The following SLC6A9 variants were observed in gnomAD, a reference collection of about 807,000 sequenced individuals.
SLC6A9 encodes sodium- and chloride-dependent glycine transporter 1.
In SLC6A9, 31 loss-of-function variants were observed where a neutral mutation model predicts 70.9. The observed-to-expected ratio is 0.44, with a 90% confidence interval of 0.33 to 0.59. The LOEUF (loss-of-function observed/expected upper bound fraction) is 0.59, where lower values mean the gene tolerates loss of function less well. Ranked by LOEUF, SLC6A9 falls within the 20% of genes least tolerant of loss-of-function variation. The pLI is 0.04. For synonymous variants in SLC6A9, 310 were observed against 341.3 expected (o/e 0.91, Z 1.01); for missense variants, 631 against 845.2 (o/e 0.75, Z 3.14).
At chr1:44,004,146 C>T (rs1181859242) in intron 5 of SLC6A9, among the ~76,000 whole-genome samples, 2 of 151,856 alleles carry the variant, frequency 1.3e-5, no homozygotes, top group Non-Finnish European at 2.9e-5. Context: ...AGGTATGCAC[C>T]AATACGCTGG....
chr1:44,010,349 G>C, intron 3 of SLC6A9: 1 of 495,198 alleles, frequency 2.0e-6, no homozygotes, highest in Non-Finnish European at 3.7e-6. Flanking sequence ...GGATTTGATG[G>C]TTTAAACAAG....
intron 2 of SLC6A9, among the ~76,000 whole-genome samples, chr1:44,021,754 G>A (rs2086888462): frequency 6.6e-6 from 1 of 152,258 alleles, no homozygotes. Flanking sequence ...GCCATAGGAA[G>A]ACACAGAAGA....
chr1:44,013,368 C>T lies in SLC6A9; in HGVS notation c.31-2486G>A, dbSNP rs1440446078. On this transcript the variant is annotated intron_variant, in intron 2 of 13. Coordinates refer to ENST00000372310, the MANE Select transcript of SLC6A9 (RefSeq NM_001024845.3). This position sits in a 1 kb window ranked among gnomAD's most constrained non-coding sequence, Gnocchi z 5.3. ...GGGAAGGTGGTGATGCTTCCAGCCA[C>T]GTGCCACAGACAGCCGCCTGCCTGA... Among the ~76,000 whole-genome samples the T allele has an allele frequency of 1.3e-5, 2 of 152,180 alleles. No homozygotes were observed. The highest frequency in any genetic ancestry group is 2.1e-4 in the South Asian group (1 of 4,836).
intron 2 of SLC6A9, among the ~76,000 whole-genome samples, chr1:44,019,612 G>A (rs1384305212): frequency 6.6e-6 from 1 of 152,266 alleles, no homozygotes; most frequent in Admixed American, 6.5e-5. Context: ...CCCAGAACAG[G>A]CAGCCATGGC....
Position 44,009,465 on chromosome 1 carries a change from C to T in SLC6A9, c.319+500G>A, listed in dbSNP as rs188709564. The stretch of plus-strand genomic sequence containing the variant: ...GTCTTGATCTCCTGACCTTGTGATC[C>T]GCCTGCCTTGGCCTCCCAAAGTGCT... On this transcript the variant is annotated intron_variant, in intron 4 of 13. Coordinates refer to ENST00000372310, the MANE Select transcript of SLC6A9 (RefSeq NM_001024845.3). Among the ~76,000 whole-genome samples the T allele has an allele frequency of 1.4e-4, 22 of 152,148 alleles. No individual in the cohort carries two copies. The South Asian group carries it at 4.0e-3, about 27-fold the overall frequency.
chr1:43,998,321 A>G (rs1023467734), intron 12 of SLC6A9, among the ~76,000 whole-genome samples: 1 of 152,162 alleles, frequency 6.6e-6, no homozygotes, highest in African/African-American at 2.4e-5. Context: ...TCTGCTCGCT[A>G]TGGCTCCCCA....
At chr1:44,008,293 C>G in intron 5 of SLC6A9, 60 bp downstream of exon 5, 1 of 1,558,546 alleles carries the variant, frequency 6.4e-7, no homozygotes, top group Non-Finnish European at 8.8e-7. Context: ...CAGATGGTTG[C>G]CCAGTGGGGA....
Position 44,008,517 on chromosome 1 carries a change from C to A in SLC6A9, c.426G>T (p.Leu142=), listed in dbSNP as rs111341121. The A allele has an allele frequency of 6.2e-7, 1 of 1,614,122 alleles. No individual in the cohort carries two copies. Among genetic ancestry groups the A allele is most frequent in the South Asian group, 1.1e-5 (1 of 91,072 alleles). ...YYFFSSMTHV[L]PWAYCNNPWN... ...AGGGGTTATTGCAGTAGGCCCAGGG[C>A]AGCACGTGCGTCATGGACGAGAAGA... Residue 142 remains leucine (L), a synonymous_variant, in exon 5 of 14, where the codon CTG becomes CTT. Transcript: ENST00000372310.
intron 2 of SLC6A9, among the ~76,000 whole-genome samples, 178 bp downstream of exon 2, chr1:44,024,070 G>C (rs1436469214): frequency 6.6e-6 from 1 of 152,200 alleles, no homozygotes; most frequent in African/African-American, 2.4e-5. Flanking sequence ...TGCGGGCTTG[G>C]AGCCTGATGC....
At chr1:44,004,625 C>T (rs1446065331) in intron 5 of SLC6A9, among the ~76,000 whole-genome samples, 1 of 152,256 alleles carries the variant, frequency 6.6e-6, no homozygotes, top group Admixed American at 6.5e-5. Flanking sequence ...GGATTACAGG[C>T]ATGAGCCACC....
intron 12 of SLC6A9, among the ~76,000 whole-genome samples, chr1:43,998,476 G>T (rs1202183158): frequency 6.6e-6 from 1 of 152,144 alleles, no homozygotes; most frequent in Non-Finnish European, 1.5e-5. Flanking sequence ...TTTATTCTGG[G>T]GAATCATCCT....
At position 43,998,016 on chromosome 1, in the gene SLC6A9, CTA is replaced by C; in HGVS notation, c.1544_1545del (p.Leu515ArgfsTer87). The C allele has an allele frequency of 6.2e-7, 1 of 1,612,360 alleles. No homozygotes were observed. Among genetic ancestry groups the C allele is most frequent in the Non-Finnish European group, 8.5e-7 (1 of 1,178,886 alleles). On this transcript the variant is annotated frameshift_variant, in exon 13 of 14. Transcript: ENST00000372310. LOFTEE classifies it high-confidence loss of function. ...GGCTGGTACTGGATCACAGTGAAAA[CTA>C]GAATAAACTGCACGGGGCAGGTGTG... ...FVSPAIIFFI[L>X]VFTVIQYQPI...
chr1:44,027,242 G>A (rs1264416033), intron 1 of SLC6A9, among the ~76,000 whole-genome samples: 1 of 152,178 alleles, frequency 6.6e-6, no homozygotes, highest in Admixed American at 6.5e-5. Context: ...CTGGGATCTG[G>A]TAGGCCTGGG....
chr1:44,017,006 G>A lies in SLC6A9; in HGVS notation c.31-6124C>T, dbSNP rs1479896537. 3.2e-6 allele frequency: 5 copies of A among 1,556,874 alleles called. No individual in the cohort carries two copies. The South Asian group carries it at 4.8e-5, about 15-fold the overall frequency. ...CGCAGCCCAGCCTCTCAGCCTGCCT[G>A]GCACCAAGGAGGGGGCTCAACTTCC... On this transcript the variant is annotated intron_variant, in intron 2 of 13. Coordinates refer to ENST00000372310, the MANE Select transcript of SLC6A9 (RefSeq NM_001024845.3).
chr1:44,028,067 C>T (rs142510182), intron 1 of SLC6A9, among the ~76,000 whole-genome samples: 65 of 152,272 alleles, frequency 4.3e-4, no homozygotes, highest in African/African-American at 1.5e-3. Context: ...GGGGCCTGGC[C>T]TTGTGTAAGA....
At position 44,002,596 on chromosome 1, in the gene SLC6A9, A is replaced by T. The variant is rs199861598; in HGVS notation, c.774T>A (p.Phe258Leu). Reference sequence around the variant, plus strand: ...CTCCCTCCAGGGTCACTCCGCGGACAAACAGAATGGTCAGCACCACGTAGG... The same window carrying T: ...CTCCCTCCAGGGTCACTCCGCGGACTAACAGAATGGTCAGCACCACGTAGG... ...TFPYVVLTILFVRGVTLEGAF... is the reference protein window; with the variant it reads ...TFPYVVLTILLVRGVTLEGAF... The change falls in exon 7 of 14, where the codon TTT becomes TTA. Residue 258 changes from phenylalanine to leucine, a missense_variant. Phe to Leu is a conservative substitution (Grantham distance 22). Coordinates refer to ENST00000372310, the MANE Select transcript of SLC6A9 (RefSeq NM_001024845.3). This position sits in a 1 kb window ranked among gnomAD's most constrained non-coding sequence, Gnocchi z 5.5. 31 of 1,614,098 alleles carry T rather than the reference A, an allele frequency of 1.9e-5. 1 individual carries two copies. The South Asian group carries it at 2.1e-4, about 11-fold the overall frequency.
chr1:44,020,208 G>C (rs1353678668), intron 2 of SLC6A9, among the ~76,000 whole-genome samples: 4 of 152,164 alleles, frequency 2.6e-5, no homozygotes, highest in African/African-American at 9.7e-5. Context: ...CAAATCTTGT[G>C]CTGGAAGCAC....
At position 44,024,369 on chromosome 1, in the gene SLC6A9, A is replaced by G; in HGVS notation, c.-85-7T>C. ...AGGCCACAGATCTCAAGAGCTGTGG[A>G]GAGAGCAGAGGGTGAGGTGAGGACT... On this transcript the variant is annotated splice_region_variant and splice_polypyrimidine_tract_variant and intron_variant, in intron 1 of 13. Transcript: ENST00000372310. 3.3e-6 allele frequency: 5 copies of G among 1,492,980 alleles called. No individual in the cohort carries two copies. The highest frequency in any genetic ancestry group is 4.7e-6 in the Non-Finnish European group (5 of 1,070,022). 92.5% of individuals were successfully genotyped at this position (1,492,980 alleles called of 1,614,324 possible). A position where few individuals can be genotyped will look rare whatever the true frequency, so the allele number is the denominator to read the frequency against.
chr1:44,021,454 C>G (rs2086882583), intron 2 of SLC6A9, among the ~76,000 whole-genome samples: 1 of 152,170 alleles, frequency 6.6e-6, no homozygotes, highest in Non-Finnish European at 1.5e-5. Context: ...GCTGTAGCAT[C>G]CAGCAGAAGC....
Sources: gnomAD v4.1 joint callset for allele counts (sites outside exome capture counted in the v4.1 genomes callset) on GRCh38, gnomAD v4.1.1 for gene constraint, Gnocchi (gnomAD v3.1) non-coding constraint, MANE v1.5 for transcripts, NCBI Gene and HGNC (gene_info 2026-07-23, HGNC 2026-07-21) for gene names.